SCN8A: variants seen among roughly 807,000 people sequenced by gnomAD.
SCN8A encodes sodium voltage-gated channel alpha subunit 8, also known as sodium channel protein type 8 subunit alpha.
Under a neutral mutation model 184.1 loss-of-function variants are expected in SCN8A, and 30 were observed. The ratio of observed to expected loss-of-function variants is 0.16; its 90% CI spans 0.12 to 0.22. The LOEUF (loss-of-function observed/expected upper bound fraction) is 0.22, where lower values mean the gene tolerates loss of function less well. Ranked by LOEUF, SCN8A falls within the 10% of genes least tolerant of loss-of-function variation. The pLI, the probability that SCN8A is intolerant of heterozygous loss-of-function variation, is 1.00. For synonymous variants in SCN8A, 852 were observed against 907.0 expected (o/e 0.94, Z 1.09); for missense variants, 1,057 against 2,498.9 (o/e 0.42, Z 12.30).
chr12:51,712,926 T>C (rs1592398448), intron 11 of SCN8A: 1 of 1,590,604 alleles, frequency 6.3e-7, no homozygotes, highest in Non-Finnish European at 8.6e-7. Flanking sequence ...CAAAGCTTCC[T>C]CCGCAACCCA....
chr12:51,598,093 G>A (rs570943288), intron 1 of SCN8A, among the ~76,000 whole-genome samples: 1 of 152,292 alleles, frequency 6.6e-6, no homozygotes, highest in African/African-American at 2.4e-5. Flanking sequence ...GAGGCATAAT[G>A]CCTTGTTTGT....
chr12:51,691,434 C>CTT (rs764374079), intron 6 of SCN8A, among the ~76,000 whole-genome samples: 2 of 150,390 alleles, frequency 1.3e-5, no homozygotes, highest in Non-Finnish European at 2.9e-5. Flanking sequence ...GTTATTTATC[C>CTT]TTTATATATA....
At chr12:51,676,571 C>G (rs1338984372) in intron 2 of SCN8A, among the ~76,000 whole-genome samples, 1 of 152,142 alleles carries the variant, frequency 6.6e-6, no homozygotes, top group Non-Finnish European at 1.5e-5. Flanking sequence ...TTGCCTAGTT[C>G]AGAAAGAGGT....
intron 1 of SCN8A, among the ~76,000 whole-genome samples, chr12:51,642,685 T>C (rs1205906291): frequency 2.6e-5 from 4 of 151,798 alleles, no homozygotes; most frequent in Admixed American, 2.0e-4. Flanking sequence ...CCCTGTGAGA[T>C]GATTTTATCA....
chr12:51,635,918 C>T (rs1940306020), intron 1 of SCN8A, among the ~76,000 whole-genome samples: 1 of 152,188 alleles, frequency 6.6e-6, no homozygotes, highest in Non-Finnish European at 1.5e-5. Context: ...TTTCAGTGCA[C>T]AGCAACCCAG....
intron 15 of SCN8A, 30 bp downstream of exon 15, chr12:51,762,706 C>T (rs1942780492): frequency 6.5e-7 from 1 of 1,535,608 alleles, no homozygotes; most frequent in Non-Finnish European, 8.7e-7. Flanking sequence ...TTTCTTTTAA[C>T]ATTTCCTATC....
chr12:51,611,669 T>G (rs1025096679), intron 1 of SCN8A, among the ~76,000 whole-genome samples: 2 of 152,072 alleles, frequency 1.3e-5, no homozygotes, highest in Non-Finnish European at 2.9e-5. Context: ...AATTTTTGTA[T>G]TTTTAGTAGA....
At chr12:51,670,475 G>A (rs1941111435) in intron 2 of SCN8A, among the ~76,000 whole-genome samples, 6 of 152,248 alleles carry the variant, frequency 3.9e-5, no homozygotes, top group Admixed American at 3.9e-4. Context: ...ATGTGGGGAA[G>A]TGACTGAGGA....
chr12:51,805,871 A>G (rs1938686433), intron 26 of SCN8A, among the ~76,000 whole-genome samples: 1 of 151,676 alleles, frequency 6.6e-6, no homozygotes, highest in Non-Finnish European at 1.5e-5. Flanking sequence ...GTCTTTCACC[A>G]AGGCTGGAGT....
At chr12:51,632,209 T>C (rs534306894) in intron 1 of SCN8A, among the ~76,000 whole-genome samples, 239 of 152,360 alleles carry the variant, frequency 1.6e-3, no homozygotes, top group African/African-American at 5.3e-3. Flanking sequence ...TTGTTCTTTT[T>C]CAAACCTTTA....
intron 1 of SCN8A, among the ~76,000 whole-genome samples, chr12:51,627,095 G>T (rs1940095343): frequency 6.6e-6 from 1 of 152,098 alleles, no homozygotes; most frequent in Non-Finnish European, 1.5e-5. Context: ...GAGGTGCTGT[G>T]GGGGAATATT....
At chr12:51,781,373 G>A (rs1937915930) in intron 21 of SCN8A, among the ~76,000 whole-genome samples, 1 of 152,168 alleles carries the variant, frequency 6.6e-6, no homozygotes, top group Non-Finnish European at 1.5e-5. Context: ...GGCAGCCTCT[G>A]TCTGATAGCA....
In SCN8A at chr12:51,705,543, A is replaced by G; in HGVS notation, c.1261A>G (p.Thr421Ala). 1 of 1,614,060 alleles carries G rather than the reference A, an allele frequency of 6.2e-7. No homozygotes were observed. Among genetic ancestry groups the G allele is most frequent in the Non-Finnish European group, 8.5e-7 (1 of 1,179,922 alleles). The change falls in exon 10 of 27, where the codon ACA becomes GCA. Residue 421 changes from threonine to alanine, a missense_variant. Thr to Ala is a moderately conservative substitution (Grantham distance 58, BLOSUM62 0). Coordinates refer to ENST00000627620, the MANE Select transcript of SCN8A (RefSeq NM_001330260.2). ...GGCTTATGAAGAACAGAATCAGGCA[A>G]CACTGGAGGAGGCAGAACAAAAAGA... ...AMAYEEQNQATLEEAEQKEAE... is the reference protein window; with the variant it reads ...AMAYEEQNQAALEEAEQKEAE...
rs1247479581 is a variant in SCN8A, at chr12:51,807,290, AAG to A, written c.5809_5810del (p.Ser1937HisfsTer11). 6.2e-7 allele frequency: 1 copy of A among 1,613,872 alleles called. No individual in the cohort carries two copies. The highest frequency in any genetic ancestry group is 8.5e-7 in the Non-Finnish European group (1 of 1,179,886). ...AATGGAGGCACACACCGGGAGAAAAAAGAGAGCACCCCATCTACAGCCTCCCT... is the reference window on the plus strand; with the variant it reads ...AATGGAGGCACACACCGGGAGAAAAAAGAGCACCCCATCTACAGCCTCCCT... On this transcript the variant is annotated frameshift_variant, in exon 27 of 27. Coordinates refer to ENST00000627620, the MANE Select transcript of SCN8A (RefSeq NM_001330260.2). LOFTEE classifies it high-confidence loss of function. The surrounding 1 kb of genome is among the most constrained non-coding windows in gnomAD (Gnocchi z 4.5).
At chr12:51,671,402 A>T (rs1210528634) in intron 2 of SCN8A, among the ~76,000 whole-genome samples, 2 of 152,172 alleles carry the variant, frequency 1.3e-5, no homozygotes, top group Non-Finnish European at 2.9e-5. Flanking sequence ...TCTGAGCCAC[A>T]TAGGGTATAG....
chr12:51,646,383 TA>T (rs1940590403), intron 1 of SCN8A, among the ~76,000 whole-genome samples: 3 of 152,232 alleles, frequency 2.0e-5, no homozygotes, highest in African/African-American at 4.8e-5. Context: ...AATACTTACA[TA>T]AATATGGCTG....
intron 1 of SCN8A, among the ~76,000 whole-genome samples, chr12:51,630,422 T>C (rs1043008488): frequency 2.1e-4 from 32 of 152,118 alleles, no homozygotes; most frequent in African/African-American, 7.5e-4. Context: ...GGGTGATCGA[T>C]GTTGTAGCAT....
chr12:51,651,695 T>C (rs1357834537), intron 1 of SCN8A, among the ~76,000 whole-genome samples: 1 of 152,220 alleles, frequency 6.6e-6, no homozygotes, highest in Non-Finnish European at 1.5e-5. Flanking sequence ...CAATTCAAGA[T>C]GAGATTTGGG....
chr12:51,704,583 T>A (rs1480047363), intron 9 of SCN8A, among the ~76,000 whole-genome samples: 1 of 149,000 alleles, frequency 6.7e-6, no homozygotes, highest in East Asian at 2.0e-4. Context: ...GGTGGGAGAA[T>A]TGCTTTAACC....
Sources: gnomAD v4.1 joint callset for allele counts (sites outside exome capture counted in the v4.1 genomes callset) on GRCh38, gnomAD v4.1.1 for gene constraint, Gnocchi (gnomAD v3.1) non-coding constraint, MANE v1.5 for transcripts, NCBI Gene and HGNC (gene_info 2026-07-23, HGNC 2026-07-21) for gene names.